Variants in P2RY14 observed in about 807,000 individuals in gnomAD.
The protein encoded by P2RY14 is P2Y purinoceptor 14.
P2RY14 carries 2 observed loss-of-function variants against 0.9 expected under a neutral mutation model. That is an observed-to-expected ratio of 2.16 (90% CI 0.88 to 6.79). The LOEUF (loss-of-function observed/expected upper bound fraction) is 6.79. Among genes scored for constraint, P2RY14 ranks in the 30% most tolerant of loss-of-function variants. P2RY14 has a pLI of 0.05. For synonymous variants in P2RY14, 158 were observed against 147.2 expected, an observed-to-expected ratio of 1.07 and a Z score of -0.53; for missense variants, 378 against 400.1, an observed-to-expected ratio of 0.94 and a Z score of 0.47.
chr3:151,217,658 G>T (rs1728506484), intron 2 of P2RY14, among the ~76,000 whole-genome samples: 1 of 152,162 alleles, frequency 6.6e-6, no homozygotes, highest in Non-Finnish European at 1.5e-5. Flanking sequence ...GCCACTGTCT[G>T]GTTTGATACA....
intron 1 of P2RY14, 90 bp from the exon 2 acceptor site, chr3:151,219,732 G>A (rs1183722234): frequency 6.6e-6 from 1 of 152,056 alleles, no homozygotes; most frequent in African/African-American, 2.4e-5. Flanking sequence ...CTTAAATTCA[G>A]CTTGTGTAAT....
In P2RY14 at chr3:151,269,493, A is replaced by C. The variant is rs6762976; in HGVS notation, c.-133+8794T>G. 1,963 of 292,148 alleles carry C rather than the reference A, an allele frequency of 6.7e-3. 43 individuals carry two copies. The highest frequency in any genetic ancestry group is 0.042 in the African/African-American group (1,865 of 44,192). The allele number at this position is 292,148 out of a possible 1,614,324, so 18.1% of individuals were successfully genotyped here. ...AGTGGGGAGATTGTGAAAGCAGAAC[A>C]GAAGTATAACAAATTCTGCCAACCA... is the stretch of plus-strand genomic sequence containing the variant. On this transcript the variant is annotated intron_variant, in intron 1 of 2. Coordinates refer to ENST00000309170, the MANE Select transcript of P2RY14 (RefSeq NM_014879.4).
At chr3:151,231,513 C>G (rs1347972622) in intron 1 of P2RY14, among the ~76,000 whole-genome samples, 4 of 152,042 alleles carry the variant, frequency 2.6e-5, no homozygotes, top group Admixed American at 1.3e-4. Flanking sequence ...TAAACTGTAT[C>G]AAAAATCTTC....
intron 1 of P2RY14, among the ~76,000 whole-genome samples, chr3:151,234,263 C>T (rs1438746379): frequency 6.6e-6 from 1 of 152,214 alleles, no homozygotes; most frequent in Admixed American, 6.5e-5. Flanking sequence ...GAATTAACTA[C>T]AGTTAGTAAC....
At chr3:151,226,198 C>T (rs935846457) in intron 1 of P2RY14, among the ~76,000 whole-genome samples, 5 of 152,082 alleles carry the variant, frequency 3.3e-5, no homozygotes, top group Non-Finnish European at 7.4e-5. Flanking sequence ...GGGCAGCCTT[C>T]CTGGAGCATG....
chr3:151,275,346 G>A (rs1199391398), intron 1 of P2RY14, among the ~76,000 whole-genome samples: 2 of 151,776 alleles, frequency 1.3e-5, no homozygotes, highest in Non-Finnish European at 2.9e-5. Context: ...GTAGAAGCCA[G>A]CACCCGTCCC....
In P2RY14 at chr3:151,231,142, T is replaced by G. The variant is rs1453658427; in HGVS notation, c.-132-11500A>C. On this transcript the variant is annotated intron_variant, in intron 1 of 2. Coordinates refer to ENST00000309170, the MANE Select transcript of P2RY14 (RefSeq NM_014879.4). ...CAGGAGTTTATGGTGATATTAAAAG[T>G]ACAGATTACAAAAAGGTAGGATGCA... 2.0e-5 allele frequency among the ~76,000 whole-genome samples: 3 copies of G among 152,170 alleles called. No homozygotes were observed. The East Asian group carries it at 5.8e-4, about 29-fold the overall frequency.
intron 1 of P2RY14, among the ~76,000 whole-genome samples, chr3:151,227,124 A>G (rs1480715581): frequency 6.6e-6 from 1 of 152,238 alleles, no homozygotes; most frequent in East Asian, 1.9e-4. Flanking sequence ...CTTCAGTTAG[A>G]ATCCAGGTCA....
At chr3:151,271,791 TC>T (rs907184184) in intron 1 of P2RY14, among the ~76,000 whole-genome samples, 11 of 152,322 alleles carry the variant, frequency 7.2e-5, no homozygotes, top group African/African-American at 2.6e-4. Flanking sequence ...ACCTTGTGAT[TC>T]CATTTCAGTG....
At position 151,213,799 on chromosome 3, in the gene P2RY14, A is replaced by G. The variant is rs1727621961; in HGVS notation, c.518T>C (p.Ile173Thr). The change falls in exon 3 of 3, where the codon ATA (isoleucine) becomes ACA (threonine). Residue 173 changes from isoleucine (I) to threonine (T), a missense_variant. Physicochemically the swap from Ile to Thr is moderately conservative, Grantham distance 89. Coordinates refer to ENST00000309170, the MANE Select transcript of P2RY14 (RefSeq NM_014879.4). ...SVREVTQIKC[I>T]ELKSELGRKW... ...CCGTCCCAGTTCACTTTTCAGTTCT[A>G]TACATTTTATTTGTGTAACCTCCCT... is the stretch of plus-strand genomic sequence containing the variant. 2 of 1,614,164 alleles carry G rather than the reference A, an allele frequency of 1.2e-6. No individual in the cohort carries two copies. The highest frequency in any genetic ancestry group is 1.7e-5 in the Admixed American group (1 of 60,028).
intron 1 of P2RY14, among the ~76,000 whole-genome samples, chr3:151,225,240 C>T (rs1451850222): frequency 1.3e-5 from 2 of 152,200 alleles, no homozygotes; most frequent in Non-Finnish European, 2.9e-5. Context: ...TGGCTACACT[C>T]CCCTTATTTC....
chr3:151,231,413 T>C (rs1033221979), intron 1 of P2RY14, among the ~76,000 whole-genome samples: 4 of 152,228 alleles, frequency 2.6e-5, no homozygotes, highest in Non-Finnish European at 5.9e-5. Context: ...TGGTGGTCAC[T>C]GAATGATCCA....
chr3:151,278,290 C>T lies in P2RY14; in HGVS notation c.-136G>A, dbSNP rs868623121. 2 of 152,206 alleles carry T rather than the reference C, an allele frequency of 1.3e-5. No individual in the cohort carries two copies. The highest frequency in any genetic ancestry group is 2.9e-5 in the Non-Finnish European group (2 of 68,038). The allele number at this position is 152,206 out of a possible 1,614,324, so 9.4% of individuals were successfully genotyped here. On this transcript the variant is annotated 5_prime_UTR_variant, in exon 1 of 3. Coordinates refer to ENST00000309170, the MANE Select transcript of P2RY14 (RefSeq NM_014879.4). ...CATGGAAAAGCTGTTTTCTTACCTG[C>T]GTCTAGGCCTTCATCTGTGAGAGTC...
intron 1 of P2RY14, among the ~76,000 whole-genome samples, chr3:151,221,505 G>A (rs1729346062): frequency 6.6e-6 from 1 of 152,230 alleles, no homozygotes; most frequent in Non-Finnish European, 1.5e-5. Context: ...CAGGGTCTCT[G>A]TGCTGTGTGC....
At position 151,242,124 on chromosome 3, in the gene P2RY14, C is replaced by T. The variant is rs185255967; in HGVS notation, c.-132-22482G>A. Among the ~76,000 whole-genome samples, 794 of 152,284 alleles carry T rather than the reference C, an allele frequency of 5.2e-3. 14 individuals are homozygous for T. The highest frequency in any genetic ancestry group is 0.018 in the African/African-American group (736 of 41,560). On this transcript the variant is annotated intron_variant, in intron 1 of 2. Transcript: ENST00000309170. The stretch of plus-strand genomic sequence containing the variant: ...CCCGCACCTGGCTCGGAGGGTCCTA[C>T]GCCCATGGAGTCTCGCTGATTGCTA...
chr3:151,237,355 T>TC (rs1553753099), intron 1 of P2RY14, among the ~76,000 whole-genome samples: 1 of 128,838 alleles, frequency 7.8e-6, no homozygotes. Context: ...TTTTTCTTTT[T>TC]TTTTTTTTTT....
chr3:151,239,460 A>G (rs1158707862), intron 1 of P2RY14, among the ~76,000 whole-genome samples: 1 of 152,238 alleles, frequency 6.6e-6, no homozygotes, highest in Non-Finnish European at 1.5e-5. Flanking sequence ...AGTGGATATG[A>G]GAATCCAACT....
At chr3:151,262,502 A>G (rs1241382969) in intron 1 of P2RY14, among the ~76,000 whole-genome samples, 4 of 152,202 alleles carry the variant, frequency 2.6e-5, no homozygotes, top group Non-Finnish European at 4.4e-5. Flanking sequence ...TAGACTTTAC[A>G]TAGTTCAGCC....
intron 1 of P2RY14, among the ~76,000 whole-genome samples, chr3:151,242,035 C>T (rs966786065): frequency 6.6e-6 from 1 of 152,158 alleles, no homozygotes; most frequent in African/African-American, 2.4e-5. Context: ...AAAATCGGGT[C>T]ACTCCCACCC....
Sources: allele counts gnomAD v4.1 joint callset (sites outside exome capture counted in the v4.1 genomes callset), GRCh38; gene constraint gnomAD v4.1.1; transcripts MANE v1.5; gene names NCBI Gene and HGNC (gene_info 2026-07-23, HGNC 2026-07-21).